GPD1L: variants seen among roughly 807,000 people sequenced by gnomAD.
GPD1L encodes the protein glycerol-3-phosphate dehydrogenase 1 like, also known as glycerol-3-phosphate dehydrogenase 1-like protein.
Under a neutral mutation model 32.9 loss-of-function variants are expected in GPD1L, and 17 were observed. The ratio of observed to expected loss-of-function variants is 0.52; its 90% CI spans 0.35 to 0.78. GPD1L has a LOEUF of 0.78. GPD1L is among the 30% of genes least tolerant of loss of function. GPD1L has a pLI of 0.01. For missense variants in GPD1L, 361 were observed against 447.8 expected (o/e 0.81, Z 1.75); for synonymous variants, 187 against 165.9 (o/e 1.13, Z -0.98).
At chr3:32,140,174 A>C (rs916268003) in intron 3 of GPD1L, 54 bp from the exon 4 acceptor site, 2 of 1,602,702 alleles carry the variant, frequency 1.2e-6, no homozygotes, top group African/African-American at 2.7e-5. Flanking sequence ...CTACTATCCC[A>C]TGCCTCTTTG....
At chr3:32,127,117 G>A (rs1053975565) in intron 1 of GPD1L, among the ~76,000 whole-genome samples, 6 of 152,056 alleles carry the variant, frequency 3.9e-5, no homozygotes, top group East Asian at 3.9e-4. Context: ...CCACTTGGCC[G>A]CCCCCGCCTT....
chr3:32,116,988 C>T (rs1276376812), intron 1 of GPD1L, among the ~76,000 whole-genome samples: 1 of 152,144 alleles, frequency 6.6e-6, no homozygotes, highest in African/African-American at 2.4e-5. Flanking sequence ...GCCTTCCTGC[C>T]CACTTGAAAT....
At chr3:32,147,366 ACTT>A (rs1700845896) in intron 5 of GPD1L, among the ~76,000 whole-genome samples, 1 of 152,176 alleles carries the variant, frequency 6.6e-6, no homozygotes, top group Non-Finnish European at 1.5e-5. Context: ...TTTAAGAGGT[ACTT>A]CATACAGAAA....
intron 5 of GPD1L, among the ~76,000 whole-genome samples, chr3:32,153,920 T>C (rs960326008): frequency 2.0e-5 from 3 of 152,110 alleles, no homozygotes; most frequent in African/African-American, 7.2e-5. Flanking sequence ...ACTCAGGAGA[T>C]GGGGAAGAGC....
intron 5 of GPD1L, among the ~76,000 whole-genome samples, chr3:32,155,482 T>C (rs1700975368): frequency 6.6e-6 from 1 of 152,134 alleles, no homozygotes. Flanking sequence ...GGTTGGTTTT[T>C]CATATAACAG....
intron 2 of GPD1L, among the ~76,000 whole-genome samples, chr3:32,134,994 T>C (rs1168464217): frequency 6.6e-6 from 1 of 152,208 alleles, no homozygotes; most frequent in Non-Finnish European, 1.5e-5. Flanking sequence ...CTATTTTACA[T>C]ATGGAGTGAC....
At chr3:32,120,386 A>C (rs1486895069) in intron 1 of GPD1L, among the ~76,000 whole-genome samples, 1 of 152,214 alleles carries the variant, frequency 6.6e-6, no homozygotes, top group Non-Finnish European at 1.5e-5. Flanking sequence ...ATTCCAAGAA[A>C]TTTGACAGTG....
At chr3:32,133,803 T>C (rs1324431845) in intron 2 of GPD1L, among the ~76,000 whole-genome samples, 1 of 152,232 alleles carries the variant, frequency 6.6e-6, no homozygotes, top group Non-Finnish European at 1.5e-5. Context: ...TAAAAGCTCA[T>C]TGAGCACACA....
At chr3:32,123,237 A>T (rs568027602) in intron 1 of GPD1L, among the ~76,000 whole-genome samples, 1 of 152,252 alleles carries the variant, frequency 6.6e-6, no homozygotes, top group South Asian at 2.1e-4. Flanking sequence ...TCATACCACT[A>T]TAGTAAATAT....
intron 2 of GPD1L, among the ~76,000 whole-genome samples, chr3:32,136,620 CTT>C (rs1700663682): frequency 1.3e-5 from 2 of 152,158 alleles, no homozygotes; most frequent in Admixed American, 1.3e-4. Context: ...GGGAGTAACT[CTT>C]AGCACAGGCA....
intron 4 of GPD1L, among the ~76,000 whole-genome samples, chr3:32,144,622 G>C (rs1432044957): frequency 2.0e-5 from 3 of 152,114 alleles, no homozygotes; most frequent in African/African-American, 7.2e-5. Context: ...GGCATTAGCT[G>C]TTCTGTACAG....
In GPD1L at chr3:32,122,412, T is replaced by C. The variant is rs530317607; in HGVS notation, c.48-5664T>C. Among the ~76,000 whole-genome samples the C allele has an allele frequency of 2.0e-5, 3 of 152,342 alleles. No homozygotes were observed. In the South Asian group the frequency reaches 6.2e-4, roughly 32 times the overall value. On this transcript the variant is annotated intron_variant, in intron 1 of 7. Transcript: ENST00000282541. Reference sequence around the variant, plus strand: ...ATGGGGATAATGTGCACCTCTCTTATGGGCTGTAATAAAGATTTTTTAAAT... The same window carrying C: ...ATGGGGATAATGTGCACCTCTCTTACGGGCTGTAATAAAGATTTTTTAAAT...
At chr3:32,127,618 G>A (rs999013651) in intron 1 of GPD1L, among the ~76,000 whole-genome samples, 15 of 152,218 alleles carry the variant, frequency 9.9e-5, no homozygotes, top group Non-Finnish European at 1.8e-4. Context: ...TGGGCCCTGC[G>A]CTCTCCCTTT....
At chr3:32,148,818 A>T (rs1282705080) in intron 5 of GPD1L, among the ~76,000 whole-genome samples, 1 of 152,214 alleles carries the variant, frequency 6.6e-6, no homozygotes, top group Non-Finnish European at 1.5e-5. Context: ...CTTTCATCAC[A>T]TAAATAACAG....
intron 5 of GPD1L, 132 bp from the exon 6 acceptor site, chr3:32,158,744 C>T (rs765435378): frequency 1.3e-5 from 20 of 1,531,182 alleles, no homozygotes; most frequent in Non-Finnish European, 1.7e-5. Context: ...GAGCAGAGCC[C>T]GGCATTGAGT....
At chr3:32,151,168 C>T in intron 5 of GPD1L, 1 of 575,174 alleles carries the variant, frequency 1.7e-6, no homozygotes, top group Non-Finnish European at 3.4e-6. Context: ...CTGGGTGGAG[C>T]AGGCTGGTAC....
At chr3:32,158,720 A>G in intron 5 of GPD1L, 156 bp from the exon 6 acceptor site, 9 of 1,494,444 alleles carry the variant, frequency 6.0e-6, no homozygotes, top group Non-Finnish European at 8.0e-6. Context: ...CATCTCTTTC[A>G]CCCAGGTGTA....
At chr3:32,158,359 G>A in intron 5 of GPD1L, 1 of 185,260 alleles carries the variant, frequency 5.4e-6, no homozygotes, top group Non-Finnish European at 1.2e-5. Context: ...GAGGAGAGTG[G>A]TTACCTTTGG....
chr3:32,159,451 C>G (rs1392426007), intron 6 of GPD1L, 117 bp from the exon 7 acceptor site: 1 of 716,534 alleles, frequency 1.4e-6, no homozygotes. Context: ...CACAGCATAG[C>G]AAGACCCATT....
Sources: gnomAD v4.1 joint callset for allele counts (sites outside exome capture counted in the v4.1 genomes callset) on GRCh38, gnomAD v4.1.1 for gene constraint, MANE v1.5 for transcripts, NCBI Gene and HGNC (gene_info 2026-07-23, HGNC 2026-07-21) for gene names.